Variants in JAM3 observed in about 807,000 individuals in gnomAD.
The protein encoded by JAM3 is junctional adhesion molecule 3, also known as junctional adhesion molecule C.
Under a neutral mutation model 39.4 loss-of-function variants are expected in JAM3, and 31 were observed. That is an observed-to-expected ratio of 0.79 (90% confidence interval 0.59 to 1.06). JAM3 has a LOEUF of 1.06. Ranked by LOEUF, JAM3 falls within the 50% of genes least tolerant of loss-of-function variation. The probability of loss-of-function intolerance (pLI) is 0.00; values close to 1 mark genes in which losing one functional copy is unlikely to be tolerated. For synonymous variants in JAM3, 182 were observed against 148.7 expected (o/e 1.22, Z -1.63); for missense variants, 455 against 391.4 (o/e 1.16, Z -1.37).
rs777447945 is a variant in JAM3, at chr11:134,140,735, A to G, written c.221A>G (p.Gln74Arg). ...GAGTGGAAGAAAATTCAAGATGAAC[A>G]AACCACATATGTGTTTTTTGACAAC... Reference protein sequence around the residue: ...RIEWKKIQDEQTTYVFFDNKI... With the variant: ...RIEWKKIQDERTTYVFFDNKI... Residue 74 changes from glutamine to arginine, a missense_variant, in exon 3 of 9, where the codon CAA becomes CGA. Transcript: ENST00000299106. 3 of 1,613,818 alleles carry G rather than the reference A, an allele frequency of 1.9e-6. No individual in the cohort carries two copies. The highest frequency in any genetic ancestry group is 2.2e-5 in the South Asian group (2 of 91,086).
chr11:134,075,527 C>G (rs670332), intron 1 of JAM3, among the ~76,000 whole-genome samples: 1 of 151,558 alleles, frequency 6.6e-6, no homozygotes, highest in African/African-American at 2.4e-5. Context: ...TGACAGAATA[C>G]CACAAACAGG....
intron 1 of JAM3, among the ~76,000 whole-genome samples, chr11:134,130,985 G>A (rs1942758614): frequency 6.6e-6 from 1 of 152,132 alleles, no homozygotes; most frequent in African/African-American, 2.4e-5. Flanking sequence ...GGCCCTGTAA[G>A]GCCCAGAGGA....
intron 1 of JAM3, 136 bp downstream of exon 1, chr11:134,069,295 G>A (rs1441687324): frequency 2.5e-6 from 3 of 1,215,056 alleles, no homozygotes; most frequent in Non-Finnish European, 3.4e-6. Flanking sequence ...CCGGGCCGGA[G>A]GGGCGGCGCG....
intron 5 of JAM3, chr11:134,145,346 C>T (rs759181898): frequency 2.5e-6 from 1 of 399,596 alleles, no homozygotes; most frequent in Admixed American, 3.8e-5. Context: ...CTGTTCATTG[C>T]TTTAGGCATG....
rs1943220921 is a variant in JAM3, at chr11:134,151,189, G to C, written c.*2008G>C. The C allele has an allele frequency of 6.6e-6, 1 of 152,230 alleles. No homozygotes were observed. The highest frequency in any genetic ancestry group is 2.4e-5 in the African/African-American group (1 of 41,456). 9.4% of individuals were successfully genotyped at this position (152,230 alleles called of 1,614,324 possible). On this transcript the variant is annotated 3_prime_UTR_variant, in exon 9 of 9. Transcript: ENST00000299106. ...GTCTTGGGTTTTTTATACTTTGACA[G>C]CTTTTTTTTAATTGCATACATGAGA...
intron 1 of JAM3, among the ~76,000 whole-genome samples, chr11:134,079,895 G>A (rs569350260): frequency 6.6e-6 from 1 of 152,158 alleles, no homozygotes; most frequent in Admixed American, 6.5e-5. Context: ...GGTGTGTTTT[G>A]TAGCCAGGTA....
At chr11:134,133,592 T>C (rs1174432621) in intron 1 of JAM3, among the ~76,000 whole-genome samples, 3 of 152,220 alleles carry the variant, frequency 2.0e-5, no homozygotes, top group Non-Finnish European at 4.4e-5. Flanking sequence ...AATACTGTAA[T>C]TGATTTTTAT....
chr11:134,104,139 A>G (rs528826135), intron 1 of JAM3, among the ~76,000 whole-genome samples: 1 of 152,232 alleles, frequency 6.6e-6, no homozygotes, highest in Admixed American at 6.5e-5. Context: ...GTAAAATAAC[A>G]GAAATTATAA....
intron 1 of JAM3, among the ~76,000 whole-genome samples, chr11:134,090,571 T>A (rs536222931): frequency 4.9e-4 from 75 of 152,324 alleles, no homozygotes; most frequent in African/African-American, 1.7e-3. Context: ...TTCAAACTAT[T>A]AAGTAAATGC....
At chr11:134,121,673 C>A (rs143331667) in intron 1 of JAM3, among the ~76,000 whole-genome samples, 19 of 152,228 alleles carry the variant, frequency 1.2e-4, no homozygotes, top group African/African-American at 4.6e-4. Context: ...GTTTTGAGAA[C>A]AATTAACATT....
chr11:134,085,989 T>C (rs563512792), intron 1 of JAM3, among the ~76,000 whole-genome samples: 1 of 152,316 alleles, frequency 6.6e-6, no homozygotes, highest in South Asian at 2.1e-4. Flanking sequence ...TAAAATAATT[T>C]GGAGTTAGAA....
At chr11:134,137,528 C>T (rs1942889307) in intron 1 of JAM3, among the ~76,000 whole-genome samples, 1 of 152,206 alleles carries the variant, frequency 6.6e-6, no homozygotes, top group African/African-American at 2.4e-5. Flanking sequence ...CCTCTCAGGT[C>T]CTTGATGGTC....
At chr11:134,148,961 C>T in intron 8 of JAM3, 143 bp downstream of exon 8, 1 of 498,738 alleles carries the variant, frequency 2.0e-6, no homozygotes, top group South Asian at 3.1e-5. Flanking sequence ...CAGTAACACA[C>T]ACACACACAC....
rs1337142362 is a variant in JAM3 at position 134,140,853 on chromosome 11, C to G, written c.256+83C>G. The G allele has an allele frequency of 2.6e-6, 4 of 1,527,782 alleles. No individual in the cohort carries two copies. The East Asian group carries it at 7.5e-5, about 29-fold the overall frequency. 94.6% of individuals were successfully genotyped at this position (1,527,782 alleles called of 1,614,324 possible). Reference sequence around the variant, plus strand: ...TACACTCTTGGCCAGAAACTTACCTCAGACTGGTAACCTGCATCTGTAGCT... The same window carrying G: ...TACACTCTTGGCCAGAAACTTACCTGAGACTGGTAACCTGCATCTGTAGCT... On this transcript the variant is annotated intron_variant, in intron 3 of 8. Transcript: ENST00000299106.
chr11:134,105,556 C>T (rs894947458), intron 1 of JAM3, among the ~76,000 whole-genome samples: 2 of 152,118 alleles, frequency 1.3e-5, no homozygotes, highest in African/African-American at 4.8e-5. Flanking sequence ...AAGAGGAAGT[C>T]AAATTGTCCC....
Position 134,123,779 on chromosome 11 carries a change from C to A in JAM3, c.77-16072C>A, listed in dbSNP as rs985897537. 4.3e-5 allele frequency: 30 copies of A among 698,984 alleles called. No homozygotes were observed. In the African/African-American group the frequency reaches 4.7e-4, roughly 11 times the overall value. The allele number at this position is 698,984 out of a possible 1,614,324, so 43.3% of individuals were successfully genotyped here. On this transcript the variant is annotated intron_variant, in intron 1 of 8. Coordinates refer to ENST00000299106, the MANE Select transcript of JAM3 (RefSeq NM_032801.5). ...TTCACATTTCCAGGTACCAAGGGTT[C>A]CCTCTAAATGCCACAATCAAGTGAG...
At chr11:134,083,315 T>C (rs1474891546) in intron 1 of JAM3, among the ~76,000 whole-genome samples, 4 of 148,652 alleles carry the variant, frequency 2.7e-5, no homozygotes, top group Admixed American at 2.0e-4. Flanking sequence ...TCTCCCTCAC[T>C]CTTTCTCTCT....
In JAM3 at chr11:134,150,370, G is replaced by A. The variant is rs1424898673; in HGVS notation, c.*1189G>A. 1 of 152,476 alleles carries A rather than the reference G, an allele frequency of 6.6e-6. No homozygotes were observed. The highest frequency in any genetic ancestry group is 1.5e-5 in the Non-Finnish European group (1 of 68,170). 9.4% of individuals were successfully genotyped at this position (152,476 alleles called of 1,614,324 possible). A position where few individuals can be genotyped will look rare whatever the true frequency, so the allele number is the denominator to read the frequency against. On this transcript the variant is annotated 3_prime_UTR_variant, in exon 9 of 9. Transcript: ENST00000299106. ...AGAAGCCCTCAGATGTACATACACA[G>A]ATGCCAGTCAGCTCCTGGGGTTGCG...
At chr11:134,113,648 A>G (rs1334875713) in intron 1 of JAM3, among the ~76,000 whole-genome samples, 4 of 152,180 alleles carry the variant, frequency 2.6e-5, no homozygotes, top group Non-Finnish European at 2.9e-5. Context: ...TGCCGCAATA[A>G]ACATCCGTGT....
Sources: allele counts gnomAD v4.1 joint callset (sites outside exome capture counted in the v4.1 genomes callset), GRCh38; gene constraint gnomAD v4.1.1; transcripts MANE v1.5; gene names NCBI Gene and HGNC (gene_info 2026-07-23, HGNC 2026-07-21).